The following ZNF320 variants were observed in gnomAD, a reference collection of about 807,000 sequenced individuals.
ZNF320 encodes the protein zinc finger protein 320, also known as zinc finger gene 320.
Under a neutral mutation model 6.8 loss-of-function variants are expected in ZNF320, and 2 were observed. The ratio of observed to expected loss-of-function variants is 0.29; its 90% CI spans 0.12 to 0.93. ZNF320 has a LOEUF of 0.93. ZNF320 is among the 40% of genes least tolerant of loss of function. The pLI, the probability that ZNF320 is intolerant of heterozygous loss-of-function variation, is 0.55. For missense variants in ZNF320, 472 were observed against 611.0 expected (o/e 0.77, Z 2.40); for synonymous variants, 208 against 203.2 (o/e 1.02, Z -0.20).
upstream of ZNF320, among the ~76,000 whole-genome samples, chr19:52,899,308 C>T (rs1225134490): frequency 1.3e-5 from 2 of 152,104 alleles, no homozygotes; most frequent in Non-Finnish European, 2.9e-5. Context: ...TGTACGGGTA[C>T]ATGTGTCAGT....
intron 1 of ZNF320, chr19:52,894,718 A>C (rs2064419557): frequency 6.6e-6 from 1 of 152,048 alleles, no homozygotes; most frequent in African/African-American, 2.4e-5. Context: ...CTAAAAATAC[A>C]AAAATTAGCC....
chr19:52,890,415 C>A (rs1490397019), intron 3 of ZNF320, 87 bp from the exon 4 acceptor site: 2 of 1,114,722 alleles, frequency 1.8e-6, no homozygotes, highest in East Asian at 2.5e-5. Flanking sequence ...GAGGCCTCAC[C>A]CTGGGAAATA....
chr19:52,892,199 C>T (rs979634524), intron 2 of ZNF320: 3 of 149,990 alleles, frequency 2.0e-5, no homozygotes, highest in Non-Finnish European at 4.4e-5. Context: ...ACCCCCGTCT[C>T]TACTAAAAAT....
chr19:52,876,216 AGT>A lies in ZNF320; in HGVS notation c.*4378_*4379del, dbSNP rs1369482597. On this transcript the variant is annotated 3_prime_UTR_variant, in exon 6 of 6. Transcript: ENST00000682928. ...AATTTTAATGTTAGCATAAAGAAAA[AGT>A]TCCTTGATATCTTTATCAAGTACAC... 6.6e-6 allele frequency: 1 copy of A among 152,204 alleles called. No homozygotes were observed. Among genetic ancestry groups the A allele is most frequent in the Non-Finnish European group, 1.5e-5 (1 of 68,042 alleles). The allele number at this position is 152,204 out of a possible 1,614,324, so 9.4% of individuals were successfully genotyped here.
chr19:52,875,996 A>C (rs1386521721), downstream of ZNF320, among the ~76,000 whole-genome samples: 2 of 152,174 alleles, frequency 1.3e-5, no homozygotes, highest in African/African-American at 4.8e-5. Context: ...ATGAGATCTG[A>C]GCAAATGTTT....
downstream of ZNF320, chr19:52,874,363 C>G (rs984165672): frequency 2.6e-5 from 4 of 153,186 alleles, no homozygotes; most frequent in African/African-American, 9.7e-5. Flanking sequence ...GAGCACAGCC[C>G]CCTCAGCTCC....
rs769486777 is a variant in ZNF320 at position 52,881,379 on chromosome 19, C to T, written c.747G>A (p.Glu249=). 3 of 1,613,210 alleles carry T rather than the reference C, an allele frequency of 1.9e-6. No homozygotes were observed. Among genetic ancestry groups the T allele is most frequent in the Non-Finnish European group, 2.5e-6 (3 of 1,179,746 alleles). The change falls in exon 6 of 6, where the codon GAG becomes GAA. Residue 249 remains glutamate, a synonymous_variant. Coordinates refer to ENST00000682928, the MANE Select transcript of ZNF320 (RefSeq NM_001351774.2). ...HTGEKPYKCN[E]CGKTFSQTSH... is the part of the protein sequence containing the mutation. ...ATGTCTGACTAAAGGTCTTGCCACACTCATTACACTTATAAGGTTTCTCTC... is the reference window on the plus strand; with the variant it reads ...ATGTCTGACTAAAGGTCTTGCCACATTCATTACACTTATAAGGTTTCTCTC...
At chr19:52,865,711 G>C (rs2147768673) in intron 5 of ZNF320, among the ~76,000 whole-genome samples, 1 of 121,150 alleles carries the variant, frequency 8.3e-6, no homozygotes, top group East Asian at 2.3e-4. Context: ...ATTTATATAT[G>C]ATTATACACA....
Position 52,880,447 on chromosome 19 carries a change from T to A in ZNF320, c.*149A>T. On this transcript the variant is annotated 3_prime_UTR_variant, in exon 6 of 6. Transcript: ENST00000682928. ...AATTCATGACCTCAAGTGACCTACC[T>A]GTCTTGGCCTCTCAAAGTGCTGGGA... 1.4e-6 allele frequency: 1 copy of A among 706,662 alleles called. No individual in the cohort carries two copies. Among genetic ancestry groups the A allele is most frequent in the Non-Finnish European group, 2.2e-6 (1 of 449,844 alleles). The allele number at this position is 706,662 out of a possible 1,614,324, so 43.8% of individuals were successfully genotyped here.
rs971574580 is a variant in ZNF320 at position 52,876,247 on chromosome 19, G to C, written c.*4349C>G. On this transcript the variant is annotated 3_prime_UTR_variant, in exon 6 of 6. Coordinates refer to ENST00000682928, the MANE Select transcript of ZNF320 (RefSeq NM_001351774.2). Reference sequence around the variant, plus strand: ...TTGATATCTTTATCAAGTACACATCGAAACAACCTAAAATCATTTATCAGG... The same window carrying C: ...TTGATATCTTTATCAAGTACACATCCAAACAACCTAAAATCATTTATCAGG... The C allele has an allele frequency of 2.0e-5, 3 of 152,068 alleles. No individual in the cohort carries two copies. Among genetic ancestry groups the C allele is most frequent in the African/African-American group, 7.2e-5 (3 of 41,410 alleles). The allele number at this position is 152,068 out of a possible 1,614,324, so 9.4% of individuals were successfully genotyped here.
At chr19:52,864,431 C>T (rs2063509417) in intron 5 of ZNF320, among the ~76,000 whole-genome samples, 1 of 152,180 alleles carries the variant, frequency 6.6e-6, no homozygotes, top group Non-Finnish European at 1.5e-5. Flanking sequence ...CAGCCTAACA[C>T]TTGATATTCA....
At chr19:52,888,624 T>C (rs143222620) in intron 4 of ZNF320, among the ~76,000 whole-genome samples, 66,583 of 102,608 alleles carry the variant, frequency 0.65, 24,027 homozygotes, top group African/African-American at 0.71. Context: ...AGCAAGACTC[T>C]CTCTCAAAAT....
intron 5 of ZNF320, among the ~76,000 whole-genome samples, chr19:52,870,490 A>G (rs1425052200): frequency 2.6e-5 from 4 of 151,690 alleles, no homozygotes; most frequent in African/African-American, 4.8e-5. Flanking sequence ...AAAAAAAAAA[A>G]AAAAAGAAAA....
At chr19:52,864,918 C>T (rs1376774357) in intron 5 of ZNF320, among the ~76,000 whole-genome samples, 2 of 152,110 alleles carry the variant, frequency 1.3e-5, no homozygotes, top group Non-Finnish European at 2.9e-5. Context: ...GAGGCTGAGG[C>T]AGAAGAATGG....
In ZNF320 at chr19:52,877,448, G is replaced by A. The variant is rs2147798930; in HGVS notation, c.*3148C>T. ...TCACTTATGCCTTAGGCTGGCTCAG[G>A]GACCCTGTATTTTTACATAAATAGG... On this transcript the variant is annotated 3_prime_UTR_variant, in exon 6 of 6. Coordinates refer to ENST00000682928, the MANE Select transcript of ZNF320 (RefSeq NM_001351774.2). The A allele has an allele frequency of 6.6e-6, 1 of 152,262 alleles. No individual in the cohort carries two copies. Among genetic ancestry groups the A allele is most frequent in the East Asian group, 1.9e-4 (1 of 5,174 alleles). The allele number at this position is 152,262 out of a possible 1,614,324, so 9.4% of individuals were successfully genotyped here.
chr19:52,890,955 A>G (rs1287868884), intron 3 of ZNF320, among the ~76,000 whole-genome samples: 1 of 152,136 alleles, frequency 6.6e-6, no homozygotes, highest in African/African-American at 2.4e-5. Context: ...GTTCTAGACC[A>G]GCCTGGCCAA....
chr19:52,902,708 A>G, the ZNF320 span, among the ~76,000 whole-genome samples: 5 of 152,192 alleles, frequency 3.3e-5, no homozygotes, highest in Admixed American at 3.3e-4. Context: ...GTGTGTTACT[A>G]ATGTTAAATT....
chr19:52,869,113 A>T (rs919257168), intron 5 of ZNF320, among the ~76,000 whole-genome samples: 2 of 152,068 alleles, frequency 1.3e-5, no homozygotes, highest in South Asian at 4.1e-4. Context: ...CCTCTGTGGG[A>T]ATATAATTCC....
At chr19:52,903,427 G>A in the ZNF320 span, among the ~76,000 whole-genome samples, 1,096 of 152,032 alleles carry the variant, frequency 7.2e-3, 10 homozygotes, top group Middle Eastern at 0.024. Context: ...TGTGGGGGGC[G>A]GGGGGAGGAG....
Sources: gnomAD v4.1 joint callset for allele counts (sites outside exome capture counted in the v4.1 genomes callset) on GRCh38, gnomAD v4.1.1 for gene constraint, MANE v1.5 for transcripts, NCBI Gene and HGNC (gene_info 2026-07-23, HGNC 2026-07-21) for gene names.